SGSM3: variants seen among roughly 807,000 people sequenced by gnomAD.
SGSM3 encodes small G protein signaling modulator 3.
SGSM3 carries 96 observed loss-of-function variants against 100.5 expected under a neutral mutation model. The observed-to-expected ratio is 0.96, with a 90% CI of 0.81 to 1.13. The LOEUF (loss-of-function observed/expected upper bound fraction) is 1.13, where lower values mean the gene tolerates loss of function less well. Ranked by LOEUF, SGSM3 falls within the 50% of genes most tolerant of loss-of-function variation. SGSM3 has a pLI of 0.00. For missense variants in SGSM3, 1,001 were observed against 1,015.8 expected (o/e 0.99, Z 0.20); for synonymous variants, 483 against 422.8 (o/e 1.14, Z -1.75).
chr22:40,405,205 G>T lies in SGSM3; in HGVS notation c.539G>T (p.Gly180Val). 6.3e-7 allele frequency: 1 copy of T among 1,587,190 alleles called. No individual in the cohort carries two copies. The highest frequency in any genetic ancestry group is 8.6e-7 in the Non-Finnish European group (1 of 1,165,800). Residue 180 changes from glycine (G) to valine (V), a missense_variant, in exon 7 of 22, where the codon GGG becomes GTG. Gly to Val is a moderately radical substitution (Grantham distance 109, BLOSUM62 -3). Coordinates refer to ENST00000248929, the MANE Select transcript of SGSM3 (RefSeq NM_015705.6). ...NACFASMGSI[G>V]VPRLRRVLRA... ...TGCTTCGCCAGCATGGGTAGCATCG[G>T]GGTGCCCCGCCTGCGCAGGGTGCTC...
Position 40,405,181 on chromosome 22 carries a change from G to C in SGSM3, c.515G>C (p.Cys172Ser). The change falls in exon 7 of 22, where the codon TGC becomes TCC. Residue 172 changes from cysteine (C) to serine (S), a missense_variant. Cys to Ser is a moderately radical substitution (Grantham distance 112). Transcript: ENST00000248929. ...CTCCGCACCATGCCCAGCAACGCCT[G>C]CTTCGCCAGCATGGGTAGCATCGGG... The part of the protein sequence containing the change: ...DLLRTMPSNA[C>S]FASMGSIGVP... 1 of 1,577,844 alleles carries C rather than the reference G, an allele frequency of 6.3e-7. No homozygotes were observed. Among genetic ancestry groups the C allele is most frequent in the South Asian group, 1.1e-5 (1 of 87,116 alleles).
At position 40,402,200 on chromosome 22, in the gene SGSM3, A is replaced by G. The variant is rs1017471386; in HGVS notation, c.152A>G (p.Lys51Arg). 2.5e-6 allele frequency: 4 copies of G among 1,612,520 alleles called. No homozygotes were observed. The South Asian group carries it at 3.3e-5, about 13-fold the overall frequency. ...GATGAGTTTGGTTTCCGTGTGTACA[A>G]GGAAGGTAAACTTGAGCCCCTTTTG... ...YYDEFGFRVY[K>R]EEGDEPGSSL... Residue 51 changes from lysine (K) to arginine (R), a missense_variant, in exon 4 of 22, where the codon AAG becomes AGG. Transcript: ENST00000248929.
rs1442598809 is a variant in SGSM3, at chr22:40,405,831, G to A, written c.801G>A (p.Gln267=). Residue 267 remains glutamine, a synonymous_variant, in exon 8 of 22, where the codon CAG becomes CAA. Transcript: ENST00000248929. ...QYLPRLDKLL[Q]EHDIELSLIT... is the part of the protein sequence containing the mutation. ...TGCCTCGCCTGGACAAGCTGCTCCAGGAGCATGACATTGGTAAGGCGCCCC... is the reference window on the plus strand; with the variant it reads ...TGCCTCGCCTGGACAAGCTGCTCCAAGAGCATGACATTGGTAAGGCGCCCC... 12 of 1,610,768 alleles carry A rather than the reference G, an allele frequency of 7.4e-6. No individual in the cohort carries two copies. Among genetic ancestry groups the A allele is most frequent in the Non-Finnish European group, 1.0e-5 (12 of 1,178,022 alleles).
At position 40,408,861 on chromosome 22, in the gene SGSM3, C is replaced by G; in HGVS notation, c.1902+19C>G. On this transcript the variant is annotated intron_variant, in intron 18 of 21. Coordinates refer to ENST00000248929, the MANE Select transcript of SGSM3 (RefSeq NM_015705.6). ...CTACCGGGTAAGGGGGCCTCCTCTG[C>G]CAGACCCTAGAGACCTCTCTGGGGT... is the stretch of plus-strand genomic sequence containing the variant. 5.0e-6 allele frequency: 8 copies of G among 1,613,920 alleles called. No individual in the cohort carries two copies. The highest frequency in any genetic ancestry group is 6.8e-6 in the Non-Finnish European group (8 of 1,180,000).
chr22:40,396,417 C>A (rs2050049305), intron 1 of SGSM3, among the ~76,000 whole-genome samples: 1 of 152,042 alleles, frequency 6.6e-6, no homozygotes, highest in South Asian at 2.1e-4. Flanking sequence ...CACGGCGAAA[C>A]CCCAACTCTA....
At position 40,405,186 on chromosome 22, in the gene SGSM3, G is replaced by A. The variant is rs756348980; in HGVS notation, c.520G>A (p.Ala174Thr). Residue 174 changes from alanine to threonine, a missense_variant, in exon 7 of 22, where the codon GCC (alanine) becomes ACC (threonine). By Grantham distance (58) the Ala-to-Thr change is moderately conservative. Coordinates refer to ENST00000248929, the MANE Select transcript of SGSM3 (RefSeq NM_015705.6). The part of the protein sequence containing the change: ...LRTMPSNACF[A>T]SMGSIGVPRL... ...CACCATGCCCAGCAACGCCTGCTTC[G>A]CCAGCATGGGTAGCATCGGGGTGCC... is the stretch of plus-strand genomic sequence containing the variant. 1.4e-5 allele frequency: 22 copies of A among 1,579,770 alleles called. No homozygotes were observed. Among genetic ancestry groups the A allele is most frequent in the African/African-American group, 4.1e-5 (3 of 73,478 alleles).
At position 40,405,783 on chromosome 22, in the gene SGSM3, G is replaced by A; in HGVS notation, c.753G>A (p.Leu251=). ...GTGTCCAGACTGACCAGCGGGTCCT[G>A]CGCCACCTCATTGTCCAGTACCTGC... is the stretch of plus-strand genomic sequence containing the variant. The part of the protein sequence containing the change: ...LLGVQTDQRV[L]RHLIVQYLPR... The change falls in exon 8 of 22, where the codon CTG becomes CTA. Residue 251 remains leucine (L), a synonymous_variant. Coordinates refer to ENST00000248929, the MANE Select transcript of SGSM3 (RefSeq NM_015705.6). 2 of 1,613,672 alleles carry A rather than the reference G, an allele frequency of 1.2e-6. No individual in the cohort carries two copies. The highest frequency in any genetic ancestry group is 1.7e-6 in the Non-Finnish European group (2 of 1,179,964).
intron 1 of SGSM3, among the ~76,000 whole-genome samples, chr22:40,388,829 ACAT>A (rs2048879613): frequency 1.3e-5 from 2 of 152,204 alleles, no homozygotes; most frequent in African/African-American, 4.8e-5. Flanking sequence ...AATCCATTAA[ACAT>A]CATCCCCAAG....
In SGSM3 at chr22:40,408,970, A is replaced by C; in HGVS notation, c.1940A>C (p.His647Pro). 6.3e-7 allele frequency: 1 copy of C among 1,599,144 alleles called. No homozygotes were observed. The highest frequency in any genetic ancestry group is 8.5e-7 in the Non-Finnish European group (1 of 1,172,790). ...QSVNVTHDAVHAQMDVKLRSL... is the reference protein window; with the variant it reads ...QSVNVTHDAVPAQMDVKLRSL... ...GTGAACGTGACCCACGATGCAGTGC[A>C]TGCACAAATGGATGTGAAGCTCCGC... Residue 647 changes from histidine (H) to proline (P), a missense_variant, in exon 19 of 22, where the codon CAT becomes CCT. Transcript: ENST00000248929.
intron 1 of SGSM3, among the ~76,000 whole-genome samples, chr22:40,378,656 G>A (rs12484358): frequency 0.13 from 20,137 of 151,242 alleles, 2,060 homozygotes; most frequent in Admixed American, 0.33. Flanking sequence ...AACCCAGGAG[G>A]CGGAGGTTGC....
intron 1 of SGSM3, chr22:40,372,723 C>T (rs2045830271): frequency 6.6e-6 from 1 of 152,108 alleles, no homozygotes; most frequent in Non-Finnish European, 1.5e-5. Flanking sequence ...TCTTTCTATG[C>T]CTGGAGTGGA....
intron 15 of SGSM3, 50 bp from the exon 16 acceptor site, chr22:40,408,227 C>G (rs771059973): frequency 4.4e-5 from 71 of 1,608,470 alleles, no homozygotes; most frequent in Non-Finnish European, 5.9e-5. Context: ...AGGAGGGTGA[C>G]TGGCTGCAGG....
chr22:40,408,249 G>A lies in SGSM3; in HGVS notation c.1630-28G>A, dbSNP rs765788322. 7.4e-6 allele frequency: 12 copies of A among 1,611,410 alleles called. No homozygotes were observed. The Admixed American group carries it at 1.2e-4, about 16-fold the overall frequency. ...TGACTGGCTGCAGGCGTCAGGCAGG[G>A]CTTTCTCAGACCCATCCCTCCCATC... On this transcript the variant is annotated intron_variant, in intron 15 of 21. Coordinates refer to ENST00000248929, the MANE Select transcript of SGSM3 (RefSeq NM_015705.6).
In SGSM3 at chr22:40,407,309, A is replaced by T. The variant is rs2051718275; in HGVS notation, c.1349A>T (p.Asp450Val). 1 of 1,613,438 alleles carries T rather than the reference A, an allele frequency of 6.2e-7. No homozygotes were observed. The highest frequency in any genetic ancestry group is 8.5e-7 in the Non-Finnish European group (1 of 1,180,000). Residue 450 changes from aspartate to valine, a missense_variant, in exon 12 of 22, where the codon GAC (aspartate) becomes GTC (valine). Transcript: ENST00000248929. This position sits in a 1 kb window ranked among gnomAD's most constrained non-coding sequence, Gnocchi z 4.7. The part of the protein sequence containing the change: ...LRVARHFQCT[D>V]PKNCSVELTP... Reference sequence around the variant, plus strand: ...GTGGCACGCCACTTCCAGTGCACAGACCCCAAAAACTGCAGCGTGGTGAGT... The same window carrying T: ...GTGGCACGCCACTTCCAGTGCACAGTCCCCAAAAACTGCAGCGTGGTGAGT...
At chr22:40,372,257 G>T (rs1483896765) in intron 1 of SGSM3, among the ~76,000 whole-genome samples, 1 of 151,432 alleles carries the variant, frequency 6.6e-6, no homozygotes, top group Non-Finnish European at 1.5e-5. Context: ...CTCCCGAGTA[G>T]CTGGGACTAT....
At position 40,408,644 on chromosome 22, in the gene SGSM3, C is replaced by T. The variant is rs200282618; in HGVS notation, c.1800C>T (p.Val600=). The change falls in exon 17 of 22, where the codon GTC becomes GTT. Residue 600 remains valine (V), a synonymous_variant. Transcript: ENST00000248929. ...LFIEEAAGRE[V]ERDFASVYSR... ...CCCCACAGGCTGCAGGCCGGGAGGT[C>T]GAGAGAGACTTTGCCTCCGTGTATT... The T allele has an allele frequency of 7.1e-5, 115 of 1,613,974 alleles. No homozygotes were observed. The Middle Eastern group carries it at 9.9e-4, about 14-fold the overall frequency.
At chr22:40,404,193 G>T in intron 4 of SGSM3, 54 bp from the exon 5 acceptor site, 1 of 1,431,362 alleles carries the variant, frequency 7.0e-7, no homozygotes, top group South Asian at 1.5e-5. Flanking sequence ...TGGCTGCTTG[G>T]AGAACACGTA....
At chr22:40,375,743 A>T (rs182339535) in intron 1 of SGSM3, among the ~76,000 whole-genome samples, 3 of 151,988 alleles carry the variant, frequency 2.0e-5, no homozygotes, top group African/African-American at 7.3e-5. Context: ...CTGCAAGCTA[A>T]CACTCTAAAG....
intron 1 of SGSM3, chr22:40,372,884 A>G (rs2045863140): frequency 1.3e-5 from 2 of 152,222 alleles, no homozygotes; most frequent in African/African-American, 4.8e-5. Context: ...TACTCTCCAG[A>G]TAGCCTGTTA....
Sources: allele counts gnomAD v4.1 joint callset (sites outside exome capture counted in the v4.1 genomes callset), GRCh38; gene constraint gnomAD v4.1.1; non-coding constraint Gnocchi (gnomAD v3.1); transcripts MANE v1.5; gene names NCBI Gene and HGNC (gene_info 2026-07-23, HGNC 2026-07-21).